The following ATG16L2 variants were observed in gnomAD, a reference collection of about 807,000 sequenced individuals.
The protein encoded by ATG16L2 is autophagy related 16 like 2.
Under a neutral mutation model 84.7 loss-of-function variants are expected in ATG16L2, and 77 were observed. The observed-to-expected ratio is 0.91, with a 90% CI of 0.76 to 1.10. The LOEUF is 1.10. Among genes scored for constraint, ATG16L2 ranks in the 50% least tolerant of loss-of-function variants. The pLI is 0.00. For missense variants in ATG16L2, 782 were observed against 817.6 expected, an observed-to-expected ratio of 0.96 and a Z score of 0.53; for synonymous variants, 361 against 342.8, an observed-to-expected ratio of 1.05 and a Z score of -0.59.
intron 8 of ATG16L2, chr11:72,824,490 A>C: frequency 3.5e-6 from 2 of 568,976 alleles, no homozygotes; most frequent in Non-Finnish European, 6.3e-6. Context: ...CCCGGCCCTG[A>C]GGTTTCTTTG....
Position 72,824,788 on chromosome 11 carries a change from GATC to G in ATG16L2, c.946_948del (p.Ile316del), listed in dbSNP as rs1860239769. On this transcript the variant is annotated inframe_deletion, in exon 9 of 18. Coordinates refer to ENST00000321297, the MANE Select transcript of ATG16L2 (RefSeq NM_033388.2). ...GGGGAGCCCCTGAGCAGCGATACCA[GATC>G]ATCCCTGTGTGTGTGGCTGCCCGAC... 1.2e-6 allele frequency: 2 copies of G among 1,611,892 alleles called. No homozygotes were observed. Among genetic ancestry groups the G allele is most frequent in the Non-Finnish European group, 8.5e-7 (1 of 1,178,916 alleles).
intron 3 of ATG16L2, among the ~76,000 whole-genome samples, chr11:72,819,727 G>A (rs1859874333): frequency 6.6e-6 from 1 of 152,084 alleles, no homozygotes; most frequent in African/African-American, 2.4e-5. Flanking sequence ...GATGGGGGCA[G>A]TGAGGAGGCT....
intron 8 of ATG16L2, 62 bp from the exon 9 acceptor site, chr11:72,824,672 G>C: frequency 8.2e-7 from 1 of 1,222,290 alleles, no homozygotes; most frequent in Non-Finnish European, 1.2e-6. Context: ...AGGGGAGCTG[G>C]AGGCTCCCAC....
chr11:72,830,899 G>A (rs1269408784), downstream of ATG16L2, among the ~76,000 whole-genome samples: 6 of 152,204 alleles, frequency 3.9e-5, no homozygotes, highest in African/African-American at 1.4e-4. Context: ...CCAGTAGCTG[G>A]GCCTATAGGT....
chr11:72,828,259 G>A lies in ATG16L2; in HGVS notation c.1473-100G>A, dbSNP rs141855549. The A allele has an allele frequency of 3.8e-4, 536 of 1,414,456 alleles. 1 individual carries two copies. In the African/African-American group the frequency reaches 6.4e-3, roughly 17 times the overall value. The allele number at this position is 1,414,456 out of a possible 1,614,324, so 87.6% of individuals were successfully genotyped here. On this transcript the variant is annotated intron_variant, in intron 14 of 17. Coordinates refer to ENST00000321297, the MANE Select transcript of ATG16L2 (RefSeq NM_033388.2). ...CGATCCAGGGCCCTGGGGTTCCTCC[G>A]GACTTGGTTAGCTAGGAAGGCTGCT...
chr11:72,821,832 G>C (rs987564018), intron 4 of ATG16L2, 91 bp downstream of exon 4: 20 of 1,477,260 alleles, frequency 1.4e-5, no homozygotes, highest in Non-Finnish European at 1.7e-5. Context: ...GGCGCGGGCC[G>C]AGATCTTTCC....
intron 5 of ATG16L2, chr11:72,841,427 T>C: frequency 1.2e-6 from 2 of 1,607,988 alleles, no homozygotes; most frequent in Non-Finnish European, 1.7e-6. Flanking sequence ...AAAATGCATT[T>C]AGACCCATGC....
intron 13 of ATG16L2, 113 bp from the exon 14 acceptor site, chr11:72,827,075 G>A (rs772607000): frequency 4.3e-6 from 4 of 920,266 alleles, no homozygotes; most frequent in African/African-American, 1.7e-5. Flanking sequence ...GAAGACCTGG[G>A]TTCTAGTCTT....
Position 72,826,076 on chromosome 11 carries a change from G to A in ATG16L2, c.1103-97G>A, listed in dbSNP as rs1057205430. The A allele has an allele frequency of 9.2e-6, 9 of 977,634 alleles. No homozygotes were observed. In the East Asian group the frequency reaches 1.6e-4, roughly 17 times the overall value. 60.6% of individuals were successfully genotyped at this position (977,634 alleles called of 1,614,324 possible). On this transcript the variant is annotated intron_variant, in intron 10 of 17. Coordinates refer to ENST00000321297, the MANE Select transcript of ATG16L2 (RefSeq NM_033388.2). Reference sequence around the variant, plus strand: ...CTTCTAACCTGGGGATGTGTCGGGGGGTGGGGCGGGAACTGATCTTCCGCT... The same window carrying A: ...CTTCTAACCTGGGGATGTGTCGGGGAGTGGGGCGGGAACTGATCTTCCGCT...
At chr11:72,821,303 C>T in intron 3 of ATG16L2, 1 of 1,037,218 alleles carries the variant, frequency 9.6e-7, no homozygotes, top group Non-Finnish European at 1.2e-6. Flanking sequence ...TTGGCAGCCT[C>T]TGCGCGAGGA....
At position 72,822,277 on chromosome 11, in the gene ATG16L2, G is replaced by A. The variant is rs1473753904; in HGVS notation, c.626G>A (p.Arg209His). 2.0e-6 allele frequency: 3 copies of A among 1,508,708 alleles called. No homozygotes were observed. Among genetic ancestry groups the A allele is most frequent in the Admixed American group, 4.6e-5 (2 of 43,670 alleles). The allele number at this position is 1,508,708 out of a possible 1,614,324, so 93.5% of individuals were successfully genotyped here. ...CGCGCCGCGGCCGAGCGCAACCTGC[G>A]CAACGAGCGCCGGGAGCGGTGAGGG... ...KARAAAERNL[R>H]NERRERAKQA... Residue 209 changes from arginine to histidine, a missense_variant, in exon 5 of 18, where the codon CGC (arginine) becomes CAC (histidine). By Grantham distance (29) the Arg-to-His change is conservative. Transcript: ENST00000321297. The surrounding 1 kb of genome is among the most constrained non-coding windows in gnomAD (Gnocchi z 4.2).
exon 6 of ATG16L2, chr11:72,843,154 TG>T: frequency 6.2e-7 from 1 of 1,613,830 alleles, no homozygotes; most frequent in Non-Finnish European, 8.5e-7. Context: ...TCTTTACCAC[TG>T]GCATCTCCGT....
At chr11:72,830,993 C>T (rs1286046964), downstream of ATG16L2, among the ~76,000 whole-genome samples, 1 of 152,200 alleles carries the variant, frequency 6.6e-6, no homozygotes, top group African/African-American at 2.4e-5. Context: ...TGTTCTCCTT[C>T]CCTCCCAGCC....
intron 3 of ATG16L2, chr11:72,820,037 A>ACG (rs1859905489): frequency 6.6e-6 from 1 of 152,124 alleles, no homozygotes; most frequent in African/African-American, 2.4e-5. Flanking sequence ...GAGCCACGGC[A>ACG]CCCGGCCTTT....
In ATG16L2 at chr11:72,822,096, C is replaced by T; in HGVS notation, c.445C>T (p.Gln149Ter). Reference protein sequence around the residue: ...VAQLREARAQQAQQVEEWRAQ... With the variant: ...VAQLREARAQ ...GCAGCTGCGAGAGGCGCGGGCGCAG[C>T]AGGCCCAGCAGGTGGAGGAGTGGCG... Residue 149 changes from glutamine to a stop codon, truncating the protein, a stop_gained, in exon 5 of 18, where the codon CAG becomes TAG. Coordinates refer to ENST00000321297, the MANE Select transcript of ATG16L2 (RefSeq NM_033388.2). LOFTEE classifies it high-confidence loss of function. This position sits in a 1 kb window ranked among gnomAD's most constrained non-coding sequence, Gnocchi z 4.2. 6.5e-7 allele frequency: 1 copy of T among 1,537,872 alleles called. No homozygotes were observed. Among genetic ancestry groups the T allele is most frequent in the Non-Finnish European group, 8.7e-7 (1 of 1,153,142 alleles).
Position 72,822,022 on chromosome 11 carries a change from A to G in ATG16L2, c.393-22A>G, listed in dbSNP as rs1009398787. 1.3e-6 allele frequency: 2 copies of G among 1,484,414 alleles called. No individual in the cohort carries two copies. The highest frequency in any genetic ancestry group is 2.5e-5 in the Admixed American group (1 of 40,260). 92.0% of individuals were successfully genotyped at this position (1,484,414 alleles called of 1,614,324 possible). On this transcript the variant is annotated intron_variant, in intron 4 of 17. Transcript: ENST00000321297. The surrounding 1 kb of genome is among the most constrained non-coding windows in gnomAD (Gnocchi z 4.2). ...TGACGGGGGAAGCTTGGGACCCGCT[A>G]TCCGCTCTTTCCGTCCTCCAGGCTG...
chr11:72,828,673 A>G, intron 15 of ATG16L2, 56 bp from the exon 16 acceptor site: 1 of 1,608,592 alleles, frequency 6.2e-7, no homozygotes. Context: ...AGCTCACTGC[A>G]GAGGGCAGAG....
rs1860235078 is a variant in ATG16L2 at position 72,824,737 on chromosome 11, TAAG to T, written c.896_898del (p.Lys299del). On this transcript the variant is annotated inframe_deletion, in exon 9 of 18. Transcript: ENST00000321297. Reference sequence around the variant, plus strand: ...ACCCCAACCCACCTTACCCCAGTTTTAAGAAGAGGAGAGGTCACTCAATTGGGG... The same window carrying T: ...ACCCCAACCCACCTTACCCCAGTTTTAAGAGGAGAGGTCACTCAATTGGGG... 4 of 1,613,708 alleles carry T rather than the reference TAAG, an allele frequency of 2.5e-6. No individual in the cohort carries two copies. The highest frequency in any genetic ancestry group is 3.4e-6 in the Non-Finnish European group (4 of 1,179,714).
chr11:72,825,249 C>T, intron 9 of ATG16L2, 53 bp from the exon 10 acceptor site: 1 of 1,453,842 alleles, frequency 6.9e-7, no homozygotes, highest in Non-Finnish European at 9.6e-7. Context: ...CGTGAGCACT[C>T]ACAGAGACAT....
Sources: allele counts gnomAD v4.1 joint callset (sites outside exome capture counted in the v4.1 genomes callset), GRCh38; gene constraint gnomAD v4.1.1; non-coding constraint Gnocchi (gnomAD v3.1); transcripts MANE v1.5; gene names NCBI Gene and HGNC (gene_info 2026-07-23, HGNC 2026-07-21).